Variants in EVI5 observed in about 807,000 individuals in gnomAD.
The protein encoded by EVI5 is ecotropic viral integration site 5 protein homolog.
In EVI5, 73 loss-of-function variants were observed where a neutral mutation model predicts 112.0. That is an observed-to-expected ratio of 0.65 (90% CI 0.54 to 0.79). The LOEUF is 0.79. EVI5 is among the 30% of genes least tolerant of loss of function. The pLI, the probability that EVI5 is intolerant of heterozygous loss-of-function variation, is 0.00. For synonymous variants in EVI5, 305 were observed against 319.9 expected (o/e 0.95, Z 0.50); for missense variants, 900 against 968.8 (o/e 0.93, Z 0.94).
intron 14 of EVI5, among the ~76,000 whole-genome samples, chr1:92,632,727 G>C (rs1204955035): frequency 6.6e-6 from 1 of 152,070 alleles, no homozygotes; most frequent in African/African-American, 2.4e-5. Context: ...TTTTGAATGT[G>C]TTTGCTCTTG....
At chr1:92,558,495 A>C (rs74101199) in intron 19 of EVI5, among the ~76,000 whole-genome samples, 13,162 of 152,192 alleles carry the variant, frequency 0.086, 1,601 homozygotes, top group African/African-American at 0.27. Context: ...AACTCTCTGG[A>C]GCCAATGAAT....
At chr1:92,687,309 A>T (rs1324263825) in intron 9 of EVI5, among the ~76,000 whole-genome samples, 2 of 152,234 alleles carry the variant, frequency 1.3e-5, no homozygotes, top group Non-Finnish European at 2.9e-5. Flanking sequence ...CTATTTAATA[A>T]ATGATGCTGG....
At chr1:92,661,084 G>C (rs932159066) in intron 13 of EVI5, among the ~76,000 whole-genome samples, 1 of 151,906 alleles carries the variant, frequency 6.6e-6, no homozygotes, top group Non-Finnish European at 1.5e-5. Context: ...AACAGGACTA[G>C]AATCTAGTTC....
At chr1:92,638,403 T>G (rs1437887351) in intron 13 of EVI5, among the ~76,000 whole-genome samples, 1 of 151,974 alleles carries the variant, frequency 6.6e-6, no homozygotes, top group Non-Finnish European at 1.5e-5. Flanking sequence ...TATGTAAATT[T>G]TTTTGCCACT....
rs150566040 is a variant in EVI5, at chr1:92,552,378, CTG to C, written c.2166+11262_2166+11263del. Among the ~76,000 whole-genome samples the C allele has an allele frequency of 1.6e-4, 25 of 152,298 alleles. No individual in the cohort carries two copies. In the East Asian group the frequency reaches 4.4e-3, roughly 27 times the overall value. ...TAATTAGAATAAATGAAATTAAGTG[CTG>C]TGTTATCTCCCATTTCTGAACTATT... is the stretch of plus-strand genomic sequence containing the variant. On this transcript the variant is annotated intron_variant, in intron 19 of 19. Coordinates refer to ENST00000684568, the MANE Select transcript of EVI5 (RefSeq NM_001350197.2).
intron 2 of EVI5, among the ~76,000 whole-genome samples, chr1:92,705,295 T>C (rs1407777632): frequency 6.6e-6 from 1 of 152,228 alleles, no homozygotes; most frequent in Non-Finnish European, 1.5e-5. Context: ...ATTACTAATA[T>C]ACTAAAATTG....
At chr1:92,638,130 A>G (rs565197202) in intron 13 of EVI5, among the ~76,000 whole-genome samples, 2 of 152,280 alleles carry the variant, frequency 1.3e-5, no homozygotes, top group African/African-American at 2.4e-5. Flanking sequence ...GTTTGTTTGC[A>G]AAGACTTTAT....
At chr1:92,759,859 T>G (rs6691772) in intron 1 of EVI5, among the ~76,000 whole-genome samples, 5 of 123,784 alleles carry the variant, frequency 4.0e-5, no homozygotes, top group South Asian at 2.5e-4. Flanking sequence ...ACAAATACCC[T>G]CCCCCCCACA....
intron 18 of EVI5, among the ~76,000 whole-genome samples, chr1:92,569,008 C>T (rs1669918274): frequency 6.6e-6 from 1 of 152,158 alleles, no homozygotes; most frequent in Non-Finnish European, 1.5e-5. Context: ...CCCTTAATCC[C>T]TGTGTTGTTC....
intron 13 of EVI5, among the ~76,000 whole-genome samples, chr1:92,643,671 T>C (rs1287359597): frequency 6.6e-6 from 1 of 152,194 alleles, no homozygotes; most frequent in Non-Finnish European, 1.5e-5. Flanking sequence ...ATTCTATAAC[T>C]GGAACTGCAG....
chr1:92,629,503 C>T (rs1328244916), intron 14 of EVI5, among the ~76,000 whole-genome samples: 1 of 152,132 alleles, frequency 6.6e-6, no homozygotes, highest in South Asian at 2.1e-4. Context: ...TTCTTCTACT[C>T]CCATTACTTA....
At chr1:92,657,596 G>A (rs1663228221) in intron 13 of EVI5, among the ~76,000 whole-genome samples, 1 of 152,144 alleles carries the variant, frequency 6.6e-6, no homozygotes, top group South Asian at 2.1e-4. Context: ...CTGGGAGGTT[G>A]AGGCTGCAGT....
chr1:92,756,355 T>C, intron 1 of EVI5: 5 of 512,808 alleles, frequency 9.8e-6, no homozygotes, highest in South Asian at 7.3e-5. Flanking sequence ...CAGCCAAATA[T>C]GCAGATTTCC....
At chr1:92,573,781 A>G (rs1333562667) in intron 18 of EVI5, among the ~76,000 whole-genome samples, 1 of 152,068 alleles carries the variant, frequency 6.6e-6, no homozygotes, top group African/African-American at 2.4e-5. Flanking sequence ...CAAGCAGAAA[A>G]TATTATTTTA....
At chr1:92,697,773 T>C in intron 6 of EVI5, 87 bp downstream of exon 6, 1 of 1,078,004 alleles carries the variant, frequency 9.3e-7, no homozygotes, top group South Asian at 1.4e-5. Context: ...TTAATGCTTT[T>C]AACATTAAAT....
At chr1:92,648,176 C>T (rs1380117308) in intron 13 of EVI5, among the ~76,000 whole-genome samples, 1 of 119,392 alleles carries the variant, frequency 8.4e-6, no homozygotes, top group African/African-American at 3.2e-5. Context: ...GAAACCCCGA[C>T]TCTACTAAAA....
chr1:92,542,465 ACT>A (rs1013695545), intron 19 of EVI5, among the ~76,000 whole-genome samples: 1 of 152,044 alleles, frequency 6.6e-6, no homozygotes, highest in African/African-American at 2.4e-5. Flanking sequence ...CTTCTTCCAA[ACT>A]CCTGTTAATG....
chr1:92,690,381 CT>C (rs1669299315), intron 9 of EVI5, among the ~76,000 whole-genome samples: 1 of 148,888 alleles, frequency 6.7e-6, no homozygotes, highest in South Asian at 2.1e-4. Flanking sequence ...CAGGGTCTCA[CT>C]CTATTGCCAA....
intron 2 of EVI5, among the ~76,000 whole-genome samples, chr1:92,711,067 G>C (rs1215480409): frequency 6.6e-6 from 1 of 152,096 alleles, no homozygotes; most frequent in African/African-American, 2.4e-5. Context: ...AAAAAGAATA[G>C]CTTGTGTATG....
Sources: allele counts gnomAD v4.1 joint callset (sites outside exome capture counted in the v4.1 genomes callset), GRCh38; gene constraint gnomAD v4.1.1; transcripts MANE v1.5; gene names NCBI Gene and HGNC (gene_info 2026-07-23, HGNC 2026-07-21).